The following CEP85L variants were observed in gnomAD, a reference collection of about 807,000 sequenced individuals.
The protein encoded by CEP85L is centrosomal protein 85L, also known as centrosomal protein of 85 kDa-like.
In CEP85L, 60 loss-of-function variants were observed where a neutral mutation model predicts 100.3. The ratio of observed to expected loss-of-function variants is 0.60; its 90% CI spans 0.49 to 0.74. The LOEUF is 0.74. CEP85L is among the 30% of genes least tolerant of loss of function. The pLI, the probability that CEP85L is intolerant of heterozygous loss-of-function variation, is 0.00. For synonymous variants in CEP85L, 319 were observed against 322.7 expected (o/e 0.99, Z 0.12); for missense variants, 973 against 936.2 (o/e 1.04, Z -0.51).
At chr6:118,484,523 A>G (rs1374043800) in intron 6 of CEP85L, among the ~76,000 whole-genome samples, 1 of 152,198 alleles carries the variant, frequency 6.6e-6, no homozygotes, top group Non-Finnish European at 1.5e-5. Flanking sequence ...ATATTGTCAT[A>G]TACATGTAGA....
At chr6:118,489,301 G>T (rs1316024587) in intron 6 of CEP85L, among the ~76,000 whole-genome samples, 2 of 144,472 alleles carry the variant, frequency 1.4e-5, no homozygotes, top group Non-Finnish European at 3.0e-5. Context: ...GAGAGATAAA[G>T]ATTTTCCCAC....
rs765726985 is a variant in CEP85L, at chr6:118,469,215, C to T, written c.2111G>A (p.Arg704Gln). Residue 704 changes from arginine (R) to glutamine (Q), a missense_variant, in exon 12 of 13, where the codon CGG (arginine) becomes CAG (glutamine). Around this residue, in one of 3 missense-constraint regions of CEP85L, gnomAD observed 890 missense variants for 844.5 expected, o/e 1.05. Transcript: ENST00000368491. ...AATCACAGTCAAATCAAATAGTGGCCGTTTGGAAAGAACTGTCTGCTGCCT... is the reference window on the plus strand; with the variant it reads ...AATCACAGTCAAATCAAATAGTGGCTGTTTGGAAAGAACTGTCTGCTGCCT... ...QSRQQTVLSK[R>Q]PLFDLTVIDQ... 8.7e-6 allele frequency: 14 copies of T among 1,614,024 alleles called. No individual in the cohort carries two copies. The highest frequency in any genetic ancestry group is 3.3e-5 in the South Asian group (3 of 91,080).
At chr6:118,511,146 T>C in intron 5 of CEP85L, 152 bp downstream of exon 5, 1 of 583,896 alleles carries the variant, frequency 1.7e-6, no homozygotes, top group Non-Finnish European at 3.0e-6. Context: ...TGGAAGGCTG[T>C]AGTTGGACAC....
intron 3 of CEP85L, among the ~76,000 whole-genome samples, chr6:118,536,249 T>C (rs886213385): frequency 2.0e-5 from 3 of 152,092 alleles, no homozygotes; most frequent in Non-Finnish European, 4.4e-5. Context: ...GCACAGACCA[T>C]ACATAATCAA....
At chr6:118,545,510 C>T (rs1041846271) in intron 3 of CEP85L, among the ~76,000 whole-genome samples, 1 of 152,172 alleles carries the variant, frequency 6.6e-6, no homozygotes, top group Admixed American at 6.5e-5. Flanking sequence ...ATCGCTTGAA[C>T]CCGAGAGGGA....
intron 3 of CEP85L, chr6:118,559,141 T>G: frequency 2.4e-6 from 3 of 1,231,046 alleles, no homozygotes; most frequent in East Asian, 4.6e-5. Context: ...TGTCATCCCA[T>G]GCAGACAGGA....
chr6:118,503,738 GA>G (rs902941062), intron 5 of CEP85L, among the ~76,000 whole-genome samples: 15 of 77,586 alleles, frequency 1.9e-4, no homozygotes, highest in African/African-American at 2.5e-4. Flanking sequence ...CACATGCAAA[GA>G]AAAAAAAAAG....
chr6:118,685,878 C>G (rs1023294639), intron 1 of CEP85L, among the ~76,000 whole-genome samples: 21 of 152,036 alleles, frequency 1.4e-4, no homozygotes, highest in African/African-American at 5.1e-4. Context: ...AAAAGTGAGA[C>G]GAAAAAGTGC....
chr6:118,546,747 C>A (rs1262030687), intron 3 of CEP85L, among the ~76,000 whole-genome samples: 1 of 152,148 alleles, frequency 6.6e-6, no homozygotes. Flanking sequence ...TTTGTATTAT[C>A]AATCATCATT....
intron 2 of CEP85L, among the ~76,000 whole-genome samples, chr6:118,573,412 T>TA (rs1255928075): frequency 6.6e-6 from 1 of 152,216 alleles, no homozygotes; most frequent in African/African-American, 2.4e-5. Context: ...AAAGAACTGC[T>TA]AAAGTTCCTT....
At chr6:118,548,606 T>C (rs1476502051) in intron 3 of CEP85L, among the ~76,000 whole-genome samples, 1 of 152,080 alleles carries the variant, frequency 6.6e-6, no homozygotes, top group East Asian at 1.9e-4. Flanking sequence ...AAAAAGGTCA[T>C]ATTCATCTTT....
At chr6:118,472,286 A>G (rs1220026978) in intron 10 of CEP85L, among the ~76,000 whole-genome samples, 1 of 152,128 alleles carries the variant, frequency 6.6e-6, no homozygotes, top group East Asian at 1.9e-4. Context: ...TCCATCAGAA[A>G]AACTGAAAAT....
intron 6 of CEP85L, among the ~76,000 whole-genome samples, chr6:118,487,891 G>A (rs1774291473): frequency 6.6e-6 from 1 of 152,168 alleles, no homozygotes; most frequent in Non-Finnish European, 1.5e-5. Flanking sequence ...GCAATGGACA[G>A]AACACCCAAC....
chr6:118,693,985 T>C (rs1477548256), intron 1 of CEP85L, among the ~76,000 whole-genome samples: 7 of 151,990 alleles, frequency 4.6e-5, no homozygotes, highest in Admixed American at 4.6e-4. Context: ...TGGTGAGGTG[T>C]GACTTCCAGC....
chr6:118,643,172 A>T (rs1774983819), intron 1 of CEP85L, among the ~76,000 whole-genome samples: 1 of 152,242 alleles, frequency 6.6e-6, no homozygotes, highest in Non-Finnish European at 1.5e-5. Context: ...GAAAATTTAT[A>T]AATATATGGA....
chr6:118,556,028 C>T (rs538039799), intron 3 of CEP85L, among the ~76,000 whole-genome samples: 1 of 152,306 alleles, frequency 6.6e-6, no homozygotes, highest in African/African-American at 2.4e-5. Flanking sequence ...ATATGTACCA[C>T]ATTTTCTTTA....
chr6:118,547,704 C>T lies in CEP85L; in HGVS notation c.1020+17825G>A, dbSNP rs145340288. On this transcript the variant is annotated intron_variant, in intron 3 of 12. Transcript: ENST00000368491. ...GAAGAAAACACAAATGAATTAAATA[C>T]ATTTATTAGTTCTTTAACTGTAAGA... Among the ~76,000 whole-genome samples the T allele has an allele frequency of 2.6e-4, 39 of 152,164 alleles. 1 individual carries two copies. Among genetic ancestry groups the T allele is most frequent in the Middle Eastern group, 3.4e-3 (1 of 294 alleles).
intron 1 of CEP85L, among the ~76,000 whole-genome samples, chr6:118,675,838 A>G (rs1562353661): frequency 6.6e-6 from 1 of 152,254 alleles, no homozygotes; most frequent in Non-Finnish European, 1.5e-5. Context: ...TGAAGAATTC[A>G]GAGAAAAGTG....
chr6:118,651,271 G>A lies in CEP85L; in HGVS notation c.-2C>T, dbSNP rs374810829. 673 of 1,488,074 alleles carry A rather than the reference G, an allele frequency of 4.5e-4. 1 individual carries two copies. The African/African-American group carries it at 9.1e-3, about 20-fold the overall frequency. 92.2% of individuals were successfully genotyped at this position (1,488,074 alleles called of 1,614,324 possible). A position where few individuals can be genotyped will look rare whatever the true frequency, so the allele number is the denominator to read the frequency against. Reference sequence around the variant, plus strand: ...CGGAGCCAGGAAGCGCCCCCACATCGCGGGCGAGAGGGCCGGGTGGGCCAG... The same window carrying A: ...CGGAGCCAGGAAGCGCCCCCACATCACGGGCGAGAGGGCCGGGTGGGCCAG... On this transcript the variant is annotated 5_prime_UTR_variant, in exon 1 of 13. Transcript: ENST00000368491.
Sources: gnomAD v4.1 joint callset for allele counts (sites outside exome capture counted in the v4.1 genomes callset) on GRCh38, gnomAD v4.1.1 for gene constraint, gnomAD v4.1.1 regional missense constraint, MANE v1.5 for transcripts, NCBI Gene and HGNC (gene_info 2026-07-23, HGNC 2026-07-21) for gene names.